ERC2: variants seen among roughly 807,000 people sequenced by gnomAD.
ERC2 encodes the protein ERC protein 2.
Under a neutral mutation model 114.8 loss-of-function variants are expected in ERC2, and 42 were observed. The ratio of observed to expected loss-of-function variants is 0.37; its 90% confidence interval spans 0.29 to 0.47. The LOEUF (loss-of-function observed/expected upper bound fraction) is 0.47, where lower values mean the gene tolerates loss of function less well. ERC2 is among the 20% of genes least tolerant of loss of function. The probability of loss-of-function intolerance (pLI) is 0.99; values close to 1 mark genes in which losing one functional copy is unlikely to be tolerated. For synonymous variants in ERC2, 454 were observed against 425.5 expected, an observed-to-expected ratio of 1.07 and a Z score of -0.82; for missense variants, 939 against 1,150.7, an observed-to-expected ratio of 0.82 and a Z score of 2.66.
intron 3 of ERC2, among the ~76,000 whole-genome samples, chr3:56,275,692 A>C (rs2053944397): frequency 6.6e-6 from 1 of 152,210 alleles, no homozygotes; most frequent in African/African-American, 2.4e-5. Flanking sequence ...CTTAGCTAGC[A>C]AACTCCCAGA....
intron 2 of ERC2, among the ~76,000 whole-genome samples, chr3:56,348,876 G>A (rs1576538361): frequency 1.4e-5 from 1 of 72,564 alleles, no homozygotes; most frequent in African/African-American, 6.0e-5. Flanking sequence ...AGAAAGGAAG[G>A]AAGGAAGGAA....
At chr3:55,563,574 A>G (rs890556145) in intron 17 of ERC2, among the ~76,000 whole-genome samples, 1 of 152,232 alleles carries the variant, frequency 6.6e-6, no homozygotes, top group Non-Finnish European at 1.5e-5. Context: ...ATAAGAGAAC[A>G]CTGAGAGAGA....
intron 1 of ERC2, among the ~76,000 whole-genome samples, chr3:56,464,977 T>G (rs1483839289): frequency 1.3e-5 from 2 of 152,164 alleles, no homozygotes; most frequent in Non-Finnish European, 2.9e-5. Context: ...ACTCTTTAGG[T>G]AAATTTGTGG....
intron 3 of ERC2, among the ~76,000 whole-genome samples, chr3:56,273,621 C>T (rs1327474883): frequency 1.3e-5 from 2 of 151,812 alleles, no homozygotes; most frequent in Non-Finnish European, 2.9e-5. Flanking sequence ...TTTCTTATGG[C>T]TCTCAGCCAT....
chr3:56,095,854 T>C (rs1464813885), intron 6 of ERC2, among the ~76,000 whole-genome samples: 1 of 152,186 alleles, frequency 6.6e-6, no homozygotes, highest in Non-Finnish European at 1.5e-5. Flanking sequence ...TGGTGGTACA[T>C]ATTATAGCTG....
At chr3:55,697,245 G>A (rs775108961) in intron 16 of ERC2, among the ~76,000 whole-genome samples, 32 of 152,216 alleles carry the variant, frequency 2.1e-4, no homozygotes, top group Non-Finnish European at 4.0e-4. Flanking sequence ...CCCACTTCCC[G>A]GGCTCCAGAT....
At chr3:56,123,274 C>T (rs2079683866) in intron 6 of ERC2, among the ~76,000 whole-genome samples, 2 of 152,068 alleles carry the variant, frequency 1.3e-5, no homozygotes, top group African/African-American at 4.8e-5. Flanking sequence ...GTGGAGCCCT[C>T]ATGACTGGGA....
chr3:55,552,043 A>G (rs1226627759), intron 17 of ERC2, among the ~76,000 whole-genome samples: 1 of 152,076 alleles, frequency 6.6e-6, no homozygotes, highest in Non-Finnish European at 1.5e-5. Flanking sequence ...AAGCTATCCA[A>G]CTGCAAGGCA....
At chr3:56,429,747 G>A (rs755778729) in intron 2 of ERC2, among the ~76,000 whole-genome samples, 142 of 152,330 alleles carry the variant, frequency 9.3e-4, no homozygotes, top group Admixed American at 3.7e-3. Context: ...GGAGGAAGGG[G>A]TGGCATATCC....
rs147335457 is a variant in ERC2, at chr3:55,682,319, C to T, written c.*39+1475G>A. On this transcript the variant is annotated intron_variant, in intron 17 of 17. Coordinates refer to ENST00000288221, the MANE Select transcript of ERC2 (RefSeq NM_015576.3). ...GCATCTGGAAGTGTTAATTCCAGTGCCGTTTTCCCCTTTGCCAAGAAAAGG... is the reference window on the plus strand; with the variant it reads ...GCATCTGGAAGTGTTAATTCCAGTGTCGTTTTCCCCTTTGCCAAGAAAAGG... Among the ~76,000 whole-genome samples the T allele has an allele frequency of 3.0e-4, 45 of 152,258 alleles. No individual in the cohort carries two copies. The East Asian group carries it at 5.8e-3, about 20-fold the overall frequency.
chr3:56,298,336 G>A (rs545779417), intron 2 of ERC2, among the ~76,000 whole-genome samples: 68 of 152,184 alleles, frequency 4.5e-4, no homozygotes, highest in African/African-American at 1.4e-3. Flanking sequence ...TCTGTACTTC[G>A]TTCCTTTTTA....
At chr3:55,557,114 A>G (rs1392965526) in intron 17 of ERC2, among the ~76,000 whole-genome samples, 2 of 152,228 alleles carry the variant, frequency 1.3e-5, no homozygotes, top group Admixed American at 6.5e-5. Flanking sequence ...CTGCTGACAC[A>G]CAAGGAGTGA....
chr3:55,824,509 G>T (rs1248578012), intron 14 of ERC2, among the ~76,000 whole-genome samples: 1 of 152,192 alleles, frequency 6.6e-6, no homozygotes, highest in Non-Finnish European at 1.5e-5. Flanking sequence ...AAAGCAGTTA[G>T]TTGACTCCAA....
intron 14 of ERC2, among the ~76,000 whole-genome samples, chr3:55,801,995 T>C (rs9850515): frequency 0.054 from 8,214 of 152,288 alleles, 311 homozygotes; most frequent in African/African-American, 0.1. Context: ...TGCTGCTGTT[T>C]CAGGGACCAC....
chr3:55,838,746 C>T (rs992953174), intron 14 of ERC2, among the ~76,000 whole-genome samples: 5 of 151,818 alleles, frequency 3.3e-5, no homozygotes, highest in African/African-American at 1.2e-4. Flanking sequence ...TTACTTGTAT[C>T]AGAAAGGAAA....
intron 16 of ERC2, among the ~76,000 whole-genome samples, chr3:55,698,626 G>A (rs936814318): frequency 2.6e-5 from 4 of 152,114 alleles, no homozygotes; most frequent in African/African-American, 7.2e-5. Context: ...CCAAAAACGG[G>A]GGCAGGGGGA....
chr3:55,539,193 C>T (rs910262043), intron 17 of ERC2, among the ~76,000 whole-genome samples: 61 of 152,054 alleles, frequency 4.0e-4, no homozygotes, highest in African/African-American at 1.4e-3. Flanking sequence ...AGTATATTAA[C>T]GAAGGGTGCA....
intron 14 of ERC2, among the ~76,000 whole-genome samples, chr3:55,810,843 C>T (rs2059694412): frequency 6.6e-6 from 1 of 152,138 alleles, no homozygotes; most frequent in South Asian, 2.1e-4. Context: ...AGAGATGTCT[C>T]TCCTTCCCTC....
chr3:56,084,123 A>G (rs1313796141), intron 6 of ERC2, among the ~76,000 whole-genome samples: 1 of 152,216 alleles, frequency 6.6e-6, no homozygotes, highest in Non-Finnish European at 1.5e-5. Context: ...GCTCAACATC[A>G]CTAATCATCA....
Sources: gnomAD v4.1 joint callset for allele counts (sites outside exome capture counted in the v4.1 genomes callset) on GRCh38, gnomAD v4.1.1 for gene constraint, MANE v1.5 for transcripts, NCBI Gene and HGNC (gene_info 2026-07-23, HGNC 2026-07-21) for gene names.